Variants in ABRAXAS1 observed in about 807,000 individuals in gnomAD.
ABRAXAS1 encodes abraxas 1, BRCA1 A complex subunit, also known as BRCA1-A complex subunit Abraxas 1.
ABRAXAS1 carries 26 observed loss-of-function variants against 38.4 expected under a neutral mutation model. The ratio of observed to expected loss-of-function variants is 0.68; its 90% CI spans 0.50 to 0.94. ABRAXAS1 has a LOEUF of 0.94. ABRAXAS1 is among the 40% of genes least tolerant of loss of function. ABRAXAS1 has a pLI of 0.00. For synonymous variants in ABRAXAS1, 144 were observed against 165.5 expected (o/e 0.87, Z 1.00); for missense variants, 438 against 481.9 (o/e 0.91, Z 0.85).
At chr4:83,481,950 T>C (rs772469208) in intron 2 of ABRAXAS1, among the ~76,000 whole-genome samples, 6 of 152,132 alleles carry the variant, frequency 3.9e-5, no homozygotes, top group Non-Finnish European at 7.4e-5. Flanking sequence ...GGTTTCACCA[T>C]GTTGGCCAGG....
In ABRAXAS1 at chr4:83,472,286, A is replaced by G; in HGVS notation, c.218T>C (p.Phe73Ser). ...ATTTACTTCGCCTGAAGAATTATAA[A>G]AGCTGTAAAAGCCAAAATTAAAGGT... ...KYIPCYQLFS[F>S]YNSSGEVNEQ... The change falls in exon 4 of 9, where the codon TTT becomes TCT. Residue 73 changes from phenylalanine (F) to serine (S), a missense_variant and splice_region_variant. Transcript: ENST00000321945. 1 of 1,499,296 alleles carries G rather than the reference A, an allele frequency of 6.7e-7. No homozygotes were observed. Among genetic ancestry groups the G allele is most frequent in the Non-Finnish European group, 8.9e-7 (1 of 1,119,976 alleles). The allele number at this position is 1,499,296 out of a possible 1,614,324, so 92.9% of individuals were successfully genotyped here.
chr4:83,460,852 G>C lies in ABRAXAS1; in HGVS notation c.*1617C>G. ...GCCTGGGTGGCGGAGGTTGCAGTGA[G>C]GCGAGAGAGCACCACTGTACTCCAG... On this transcript the variant is annotated 3_prime_UTR_variant, in exon 9 of 9. Transcript: ENST00000321945. The C allele has an allele frequency of 1.3e-6, 1 of 783,646 alleles. No individual in the cohort carries two copies. The highest frequency in any genetic ancestry group is 3.8e-4 in the Middle Eastern group (1 of 2,662). The allele number at this position is 783,646 out of a possible 1,614,324, so 48.5% of individuals were successfully genotyped here.
rs1722111739 is a variant in ABRAXAS1 at position 83,461,434 on chromosome 4, C to T, written c.*1035G>A. On this transcript the variant is annotated 3_prime_UTR_variant, in exon 9 of 9. Transcript: ENST00000321945. ...TGTGATTGTCATTTATATCTGATCCCCAAATAGCTCATACAATAATCCATT... is the reference window on the plus strand; with the variant it reads ...TGTGATTGTCATTTATATCTGATCCTCAAATAGCTCATACAATAATCCATT... 1 of 466,610 alleles carries T rather than the reference C, an allele frequency of 2.1e-6. No individual in the cohort carries two copies. Among genetic ancestry groups the T allele is most frequent in the African/African-American group, 1.9e-5 (1 of 51,764 alleles). 28.9% of individuals were successfully genotyped at this position (466,610 alleles called of 1,614,324 possible). A position where few individuals can be genotyped will look rare whatever the true frequency, so the allele number is the denominator to read the frequency against.
At chr4:83,466,196 C>T (rs1722345117) in intron 7 of ABRAXAS1, among the ~76,000 whole-genome samples, 1 of 152,138 alleles carries the variant, frequency 6.6e-6, no homozygotes. Flanking sequence ...TCTTCTTATC[C>T]CCCTCTCCTT....
intron 2 of ABRAXAS1, among the ~76,000 whole-genome samples, chr4:83,478,618 TGAGA>T (rs1173275317): frequency 1.3e-5 from 2 of 152,220 alleles, no homozygotes; most frequent in East Asian, 1.9e-4. Flanking sequence ...AACTTTTCCC[TGAGA>T]GAAAGTGTTA....
chr4:83,462,280 G>A lies in ABRAXAS1; in HGVS notation c.*189C>T. The A allele has an allele frequency of 1.8e-6, 1 of 558,172 alleles. No homozygotes were observed. Among genetic ancestry groups the A allele is most frequent in the Non-Finnish European group, 3.1e-6 (1 of 321,186 alleles). The allele number at this position is 558,172 out of a possible 1,614,324, so 34.6% of individuals were successfully genotyped here. A position where few individuals can be genotyped will look rare whatever the true frequency, so the allele number is the denominator to read the frequency against. On this transcript the variant is annotated 3_prime_UTR_variant, in exon 9 of 9. Coordinates refer to ENST00000321945, the MANE Select transcript of ABRAXAS1 (RefSeq NM_139076.3). ...GTGAAAAAAAGGTTTGGAAATAAAA[G>A]CATCTGATGTTTGAAAAAGTACTTT...
chr4:83,467,104 G>C (rs1350473605), intron 7 of ABRAXAS1: 2 of 186,636 alleles, frequency 1.1e-5, no homozygotes, highest in African/African-American at 2.4e-5. Context: ...CTATGATGGG[G>C]TCTCACAAGA....
chr4:83,474,336 G>A (rs1722688260), intron 3 of ABRAXAS1, among the ~76,000 whole-genome samples: 1 of 152,042 alleles, frequency 6.6e-6, no homozygotes, highest in African/African-American at 2.4e-5. Flanking sequence ...GTAAAGGCTT[G>A]TATAGAAAAT....
intron 3 of ABRAXAS1, 96 bp downstream of exon 3, chr4:83,476,547 G>T (rs542805888): frequency 4.5e-6 from 4 of 892,000 alleles, no homozygotes; most frequent in Non-Finnish European, 7.2e-6. Context: ...CCATGTATAG[G>T]TTATAACTAA....
intron 4 of ABRAXAS1, among the ~76,000 whole-genome samples, chr4:83,471,983 G>A (rs1722605895): frequency 6.6e-6 from 1 of 152,162 alleles, no homozygotes; most frequent in African/African-American, 2.4e-5. Flanking sequence ...ATAAGAGAAA[G>A]AGATAAATGT....
chr4:83,471,885 A>G (rs1722602930), intron 4 of ABRAXAS1, among the ~76,000 whole-genome samples: 2 of 152,138 alleles, frequency 1.3e-5, no homozygotes, highest in Non-Finnish European at 2.9e-5. Context: ...AAACAAAACA[A>G]AAAAAACCAA....
intron 2 of ABRAXAS1, 145 bp downstream of exon 2, chr4:83,482,009 T>A: frequency 1.9e-6 from 1 of 515,550 alleles, no homozygotes. Flanking sequence ...CCTCCCAAAG[T>A]GCTGGGATTA....
chr4:83,483,592 C>CT (rs1181058784), intron 1 of ABRAXAS1, among the ~76,000 whole-genome samples: 7 of 152,182 alleles, frequency 4.6e-5, no homozygotes, highest in African/African-American at 9.6e-5. Flanking sequence ...ATTAATAATG[C>CT]TTTTTTCCCC....
rs36014997 is a variant in ABRAXAS1, at chr4:83,460,163, CT to C, written c.*2305del. ...TTAGGTTCATCATATACAAATGCCA[CT>C]TTTTTTTTTTTTTGAGATGGAATCT... On this transcript the variant is annotated 3_prime_UTR_variant, in exon 9 of 9. Coordinates refer to ENST00000321945, the MANE Select transcript of ABRAXAS1 (RefSeq NM_139076.3). 104 of 146,920 alleles carry C rather than the reference CT, an allele frequency of 7.1e-4. No homozygotes were observed. The highest frequency in any genetic ancestry group is 1.2e-3 in the Non-Finnish European group (79 of 67,192). The allele number at this position is 146,920 out of a possible 1,614,324, so 9.1% of individuals were successfully genotyped here.
At chr4:83,467,987 C>T (rs1722434461) in intron 6 of ABRAXAS1, among the ~76,000 whole-genome samples, 1 of 152,012 alleles carries the variant, frequency 6.6e-6, no homozygotes, top group African/African-American at 2.4e-5. Context: ...TAGGACATCC[C>T]AATGTCAGAG....
At chr4:83,475,369 A>G (rs553091478) in intron 3 of ABRAXAS1, among the ~76,000 whole-genome samples, 2 of 152,302 alleles carry the variant, frequency 1.3e-5, no homozygotes, top group South Asian at 4.1e-4. Flanking sequence ...TCTCACCTTA[A>G]CCATATGCTC....
chr4:83,467,219 G>C, intron 7 of ABRAXAS1: 1 of 369,038 alleles, frequency 2.7e-6, no homozygotes, highest in Non-Finnish European at 4.8e-6. Context: ...GGGGACATTT[G>C]GTTTTCCCTA....
Position 83,485,087 on chromosome 4 carries a change from A to G in ABRAXAS1, c.-15T>C, listed in dbSNP as rs1373169603. 6.4e-7 allele frequency: 1 copy of G among 1,570,706 alleles called. No homozygotes were observed. The highest frequency in any genetic ancestry group is 2.5e-5 in the East Asian group (1 of 40,772). The stretch of plus-strand genomic sequence containing the variant: ...TCCCCCTCCATGCTACCGCCGCCTC[A>G]GGCTACACAAGAGGACGAGGGCGGG... On this transcript the variant is annotated 5_prime_UTR_variant, in exon 1 of 9. Coordinates refer to ENST00000321945, the MANE Select transcript of ABRAXAS1 (RefSeq NM_139076.3).
chr4:83,482,379 T>C, intron 1 of ABRAXAS1, 135 bp from the exon 2 acceptor site: 1 of 515,560 alleles, frequency 1.9e-6, no homozygotes, highest in Non-Finnish European at 3.4e-6. Flanking sequence ...AGATCTGAGA[T>C]GCTTCTAGTT....
Sources: allele counts gnomAD v4.1 joint callset (sites outside exome capture counted in the v4.1 genomes callset), GRCh38; gene constraint gnomAD v4.1.1; transcripts MANE v1.5; gene names NCBI Gene and HGNC (gene_info 2026-07-23, HGNC 2026-07-21).